PCDH9: variants seen among roughly 807,000 people sequenced by gnomAD.
PCDH9 encodes the protein protocadherin-9.
In PCDH9, 24 loss-of-function variants were observed where a neutral mutation model predicts 70.6. The observed-to-expected ratio is 0.34, with a 90% CI of 0.25 to 0.48. The LOEUF (loss-of-function observed/expected upper bound fraction) is 0.48. PCDH9 is among the 20% of genes least tolerant of loss of function. PCDH9 has a pLI of 0.99. For synonymous variants in PCDH9, 562 were observed against 558.5 expected, an observed-to-expected ratio of 1.01 and a Z score of -0.09; for missense variants, 1,281 against 1,503.6, an observed-to-expected ratio of 0.85 and a Z score of 2.45.
At chr13:67,013,721 AAC>A (rs1491525646) in intron 2 of PCDH9, among the ~76,000 whole-genome samples, 19 of 121,800 alleles carry the variant, frequency 1.6e-4, no homozygotes, top group Non-Finnish European at 3.1e-4. Context: ...GTTGATGGAT[AAC>A]AAAAAAAAAT....
chr13:67,043,073 C>G (rs1219080357), intron 2 of PCDH9, among the ~76,000 whole-genome samples: 1 of 152,070 alleles, frequency 6.6e-6, no homozygotes, highest in African/African-American at 2.4e-5. Flanking sequence ...ATTCATACAG[C>G]AATAACCTAG....
intron 2 of PCDH9, among the ~76,000 whole-genome samples, chr13:66,977,139 ATAAT>A (rs1447973467): frequency 1.3e-5 from 2 of 152,124 alleles, no homozygotes; most frequent in Non-Finnish European, 2.9e-5. Flanking sequence ...TCCCTCTGTG[ATAAT>A]TAATAAATAA....
Position 66,987,563 on chromosome 13 carries a change from G to A in PCDH9, c.3037-83958C>T, listed in dbSNP as rs189025363. On this transcript the variant is annotated intron_variant, in intron 2 of 4. Coordinates refer to ENST00000377865, the MANE Select transcript of PCDH9 (RefSeq NM_203487.3). ...TATTAATAAATTTATAAAATGAAATGAAGAGCTAGCTGATACGCACCTCAT... is the reference window on the plus strand; with the variant it reads ...TATTAATAAATTTATAAAATGAAATAAAGAGCTAGCTGATACGCACCTCAT... Among the ~76,000 whole-genome samples the A allele has an allele frequency of 3.9e-3, 595 of 152,102 alleles. 3 individuals are homozygous for A. Among genetic ancestry groups the A allele is most frequent in the Non-Finnish European group, 6.6e-3 (449 of 67,928 alleles).
At chr13:66,708,595 A>G (rs1358248613) in intron 3 of PCDH9, among the ~76,000 whole-genome samples, 1 of 152,196 alleles carries the variant, frequency 6.6e-6, no homozygotes, top group African/African-American at 2.4e-5. Flanking sequence ...TTACAGTCTT[A>G]GAATGTAAAA....
chr13:66,959,447 A>T (rs916459041), intron 2 of PCDH9, among the ~76,000 whole-genome samples: 5 of 152,200 alleles, frequency 3.3e-5, no homozygotes, highest in Non-Finnish European at 7.3e-5. Flanking sequence ...TCAATTAAGA[A>T]ATTACTTAAG....
At chr13:66,546,462 G>A (rs1382353393) in intron 4 of PCDH9, among the ~76,000 whole-genome samples, 2 of 151,948 alleles carry the variant, frequency 1.3e-5, no homozygotes, top group African/African-American at 2.4e-5. Context: ...TATAGAATGT[G>A]GATATAAAGA....
chr13:66,794,104 T>C (rs2080202304), intron 3 of PCDH9, among the ~76,000 whole-genome samples: 1 of 152,188 alleles, frequency 6.6e-6, no homozygotes, highest in South Asian at 2.1e-4. Flanking sequence ...TAATTCTCTT[T>C]GTTATTTTAT....
chr13:66,759,511 C>G (rs2079588874), intron 3 of PCDH9, among the ~76,000 whole-genome samples: 1 of 152,098 alleles, frequency 6.6e-6, no homozygotes, highest in South Asian at 2.1e-4. Context: ...TAAGGACTTA[C>G]TATTGCCATT....
rs1032466018 is a variant in PCDH9, at chr13:66,325,819, G to A, written c.3341-20791C>T. Among the ~76,000 whole-genome samples, 20 of 150,874 alleles carry A rather than the reference G, an allele frequency of 1.3e-4. 1 individual carries two copies. Among genetic ancestry groups the A allele is most frequent in the African/African-American group, 5.0e-4 (20 of 40,194 alleles). On this transcript the variant is annotated intron_variant, in intron 4 of 4. Coordinates refer to ENST00000377865, the MANE Select transcript of PCDH9 (RefSeq NM_203487.3). Reference sequence around the variant, plus strand: ...TTTCAAATGATACTCAGAAAAAATAGTCACAGAATTAGATTAACTATGTGA... The same window carrying A: ...TTTCAAATGATACTCAGAAAAAATAATCACAGAATTAGATTAACTATGTGA...
intron 2 of PCDH9, among the ~76,000 whole-genome samples, chr13:66,945,475 TTC>T (rs2083073607): frequency 6.6e-6 from 1 of 152,186 alleles, no homozygotes; most frequent in African/African-American, 2.4e-5. Context: ...AAGGGAAGCA[TTC>T]TTTTTCCTCT....
intron 3 of PCDH9, among the ~76,000 whole-genome samples, chr13:66,803,850 T>C (rs972169450): frequency 1.3e-5 from 2 of 152,168 alleles, no homozygotes; most frequent in Admixed American, 1.3e-4. Flanking sequence ...TATGCTGGCT[T>C]ATGGAATAAT....
intron 2 of PCDH9, among the ~76,000 whole-genome samples, chr13:67,027,522 T>A (rs1305790048): frequency 6.6e-6 from 1 of 151,766 alleles, no homozygotes; most frequent in East Asian, 1.9e-4. Context: ...GGACTTCATG[T>A]CTAAAACACC....
intron 3 of PCDH9, among the ~76,000 whole-genome samples, chr13:66,902,331 T>A (rs998024376): frequency 1.3e-5 from 2 of 151,596 alleles, no homozygotes; most frequent in Admixed American, 6.6e-5. Context: ...TATTGCTCAA[T>A]CCTCTTTCAA....
chr13:66,704,955 T>C (rs1362775622), intron 3 of PCDH9, among the ~76,000 whole-genome samples: 1 of 152,174 alleles, frequency 6.6e-6, no homozygotes, highest in Non-Finnish European at 1.5e-5. Context: ...TTTATAGCAA[T>C]TTGTTTTCAT....
rs59143528 is a variant in PCDH9 at position 66,653,973 on chromosome 13, T to TAAAAAAAA, written c.3139-22570_3139-22563dup. The stretch of plus-strand genomic sequence containing the variant: ...ACAAAGCGAGACTCCGTCTCAAAAT[T>TAAAAAAAA]AAAAAAAAAAAAATAGAAAGAAAAT... On this transcript the variant is annotated intron_variant, in intron 3 of 4. Transcript: ENST00000377865. Among the ~76,000 whole-genome samples the TAAAAAAAA allele has an allele frequency of 3.3e-4, 43 of 128,452 alleles. 2 individuals carry two copies. Among genetic ancestry groups the TAAAAAAAA allele is most frequent in the East Asian group, 3.0e-3 (13 of 4,304 alleles). The allele number at this position is 128,452 out of a possible 152,430, so 84.3% of individuals were successfully genotyped here.
chr13:66,853,161 A>T (rs2081341124), intron 3 of PCDH9, among the ~76,000 whole-genome samples: 1 of 150,816 alleles, frequency 6.6e-6, no homozygotes, highest in Non-Finnish European at 1.5e-5. Flanking sequence ...AATGGTGGTT[A>T]TAAAAAAAGT....
At chr13:66,677,152 A>C (rs2078254786) in intron 3 of PCDH9, among the ~76,000 whole-genome samples, 1 of 152,106 alleles carries the variant, frequency 6.6e-6, no homozygotes. Context: ...GCAATTTAGA[A>C]AACCATAAAC....
At chr13:66,822,135 C>T (rs538653844) in intron 3 of PCDH9, among the ~76,000 whole-genome samples, 2 of 56,376 alleles carry the variant, frequency 3.5e-5, no homozygotes, top group African/African-American at 1.1e-4. Context: ...ATCACACACG[C>T]GCACACACAC....
At chr13:66,615,406 TA>T (rs1286620616) in intron 4 of PCDH9, among the ~76,000 whole-genome samples, 3 of 152,250 alleles carry the variant, frequency 2.0e-5, no homozygotes, top group Non-Finnish European at 4.4e-5. Flanking sequence ...CAATCATAAT[TA>T]AAGTTGTTAT....
Sources: allele counts gnomAD v4.1 joint callset (sites outside exome capture counted in the v4.1 genomes callset), GRCh38; gene constraint gnomAD v4.1.1; transcripts MANE v1.5; gene names NCBI Gene and HGNC (gene_info 2026-07-23, HGNC 2026-07-21).